The following MAP7D1 variants were observed in gnomAD, a reference collection of about 807,000 sequenced individuals.
MAP7D1 encodes MAP7 domain-containing protein 1.
A neutral mutation model predicts 97.5 loss-of-function variants in MAP7D1; 30 were observed. The observed-to-expected ratio is 0.31, with a 90% CI of 0.23 to 0.42. The LOEUF (loss-of-function observed/expected upper bound fraction) is 0.42, where lower values mean the gene tolerates loss of function less well. Ranked by LOEUF, MAP7D1 falls within the 10% of genes least tolerant of loss-of-function variation. The pLI is 1.00. For synonymous variants in MAP7D1, 536 were observed against 477.1 expected (o/e 1.12, Z -1.61); for missense variants, 1,184 against 1,179.5 (o/e 1.00, Z -0.06).
chr1:36,178,549 G>T lies in MAP7D1; in HGVS notation c.1839G>T (p.Gln613His). The change falls in exon 10 of 17, where the codon CAG becomes CAT. Residue 613 changes from glutamine (Q) to histidine (H), a missense_variant. Transcript: ENST00000474796. ...LAEKRRQARE[Q>H]REREEQERRL... ...AGAAGCGGCGCCAGGCCCGGGAGCA[G>T]CGGGAGCGCGAGGAGCAGGAGCGGA... 6.3e-7 allele frequency: 1 copy of T among 1,597,214 alleles called. No homozygotes were observed. Among genetic ancestry groups the T allele is most frequent in the Non-Finnish European group, 8.5e-7 (1 of 1,172,728 alleles).
In MAP7D1 at chr1:36,178,908, G is replaced by C; in HGVS notation, c.2026-13G>C. On this transcript the variant is annotated splice_polypyrimidine_tract_variant and intron_variant, in intron 11 of 16. Coordinates refer to ENST00000474796, the MANE Select transcript of MAP7D1 (RefSeq NM_001388490.1). ...GGAGTCAAGTGCCCCACGCTCATGG[G>C]GGTCTTTGGCAGAAAGAGGAGGCCG... The C allele has an allele frequency of 1.3e-6, 2 of 1,552,438 alleles. No individual in the cohort carries two copies. Among genetic ancestry groups the C allele is most frequent in the South Asian group, 1.2e-5 (1 of 84,134 alleles).
intron 11 of MAP7D1, 33 bp downstream of exon 11, chr1:36,178,856 G>A (rs906595276): frequency 3.9e-6 from 6 of 1,545,442 alleles, no homozygotes; most frequent in Middle Eastern, 1.8e-4. Flanking sequence ...GGCTGGGCGC[G>A]GGCGCCGCGG....
chr1:36,177,483 C>T (rs1032525842), intron 8 of MAP7D1: 2 of 472,086 alleles, frequency 4.2e-6, no homozygotes, highest in African/African-American at 2.0e-5. Context: ...ATGATGATGC[C>T]ACTGCACTCC....
chr1:36,172,480 G>A lies in MAP7D1; in HGVS notation c.477G>A (p.Val159=). Residue 159 remains valine, a synonymous_variant, in exon 4 of 17, where the codon GTG becomes GTA. Transcript: ENST00000474796. ...TGTCCACAGCGGCCAAGAAGGCAGT[G>A]TGGCTGGAGAAGGAGGAGAAGGCCA... is the stretch of plus-strand genomic sequence containing the variant. ...RAKYLAAKKA[V]WLEKEEKAKA... is the part of the protein sequence containing the mutation. 6.3e-7 allele frequency: 1 copy of A among 1,587,448 alleles called. No individual in the cohort carries two copies.
At position 36,173,374 on chromosome 1, in the gene MAP7D1, A is replaced by C. The variant is rs759981079; in HGVS notation, c.635A>C (p.Glu212Ala). 8.7e-6 allele frequency: 14 copies of C among 1,613,696 alleles called. No homozygotes were observed. The highest frequency in any genetic ancestry group is 1.2e-5 in the Non-Finnish European group (14 of 1,179,776). ...CCCACCTTCCCCCAGGAGCGCTATG[A>C]AGCAGCCATCCAACGGTCAGTGAAG... ...QKLEKNKERY[E>A]AAIQRSVKKT... Residue 212 changes from glutamate (E) to alanine (A), a missense_variant, in exon 5 of 17, where the codon GAA becomes GCA. Transcript: ENST00000474796.
At chr1:36,164,650 A>T (rs1476247231) in intron 1 of MAP7D1, among the ~76,000 whole-genome samples, 1 of 152,150 alleles carries the variant, frequency 6.6e-6, no homozygotes, top group Non-Finnish European at 1.5e-5. Flanking sequence ...TCCAAGAAGT[A>T]GGGGGAGGGA....
At position 36,176,736 on chromosome 1, in the gene MAP7D1, G is replaced by C. The variant is rs777282053; in HGVS notation, c.1273G>C (p.Glu425Gln). Residue 425 changes from glutamate (E) to glutamine (Q), a missense_variant, in exon 8 of 17, where the codon GAG becomes CAG. Glu to Gln is a conservative substitution (Grantham distance 29). Transcript: ENST00000474796. The surrounding 1 kb of genome is among the most constrained non-coding windows in gnomAD (Gnocchi z 6.1). ...GAAGAAGGACAAGGAGCGGGAAAAC[G>C]AGAAGGAGAAGAGTGCCCTAGCCCG... Reference protein sequence around the residue: ...KEKKDKERENEKEKSALARER... With the variant: ...KEKKDKERENQKEKSALARER... 2 of 1,603,962 alleles carry C rather than the reference G, an allele frequency of 1.2e-6. No homozygotes were observed. Among genetic ancestry groups the C allele is most frequent in the African/African-American group, 1.3e-5 (1 of 74,788 alleles).
chr1:36,179,773 C>A lies in MAP7D1; in HGVS notation c.2318+17C>A. 6.5e-7 allele frequency: 1 copy of A among 1,537,522 alleles called. No individual in the cohort carries two copies. On this transcript the variant is annotated intron_variant, in intron 15 of 16. Coordinates refer to ENST00000474796, the MANE Select transcript of MAP7D1 (RefSeq NM_001388490.1). ...TCAGTGGAGGTACCAGCTTCCAATCCCAGGGTCCCTGAGCAGGGAGGCAGA... is the reference window on the plus strand; with the variant it reads ...TCAGTGGAGGTACCAGCTTCCAATCACAGGGTCCCTGAGCAGGGAGGCAGA...
Position 36,176,974 on chromosome 1 carries a change from AG to A in MAP7D1, c.1379+134del. 1 of 815,994 alleles carries A rather than the reference AG, an allele frequency of 1.2e-6. No individual in the cohort carries two copies. The highest frequency in any genetic ancestry group is 1.7e-5 in the South Asian group (1 of 58,076). The allele number at this position is 815,994 out of a possible 1,614,324, so 50.5% of individuals were successfully genotyped here. On this transcript the variant is annotated intron_variant, in intron 8 of 16. Coordinates refer to ENST00000474796, the MANE Select transcript of MAP7D1 (RefSeq NM_001388490.1). The surrounding 1 kb of genome is among the most constrained non-coding windows in gnomAD (Gnocchi z 6.1). ...AGATTCTCTCTGTTTTGTTTGAGAC[AG>A]GATCTCCCTCTGTCACCCAGGCTGG... is the stretch of plus-strand genomic sequence containing the variant.
At position 36,178,953 on chromosome 1, in the gene MAP7D1, G is replaced by C; in HGVS notation, c.2058G>C (p.Glu686Asp). 4 of 1,558,804 alleles carry C rather than the reference G, an allele frequency of 2.6e-6. No individual in the cohort carries two copies. Among genetic ancestry groups the C allele is most frequent in the Non-Finnish European group, 3.5e-6 (4 of 1,151,456 alleles). The change falls in exon 12 of 17, where the codon GAG (glutamate) becomes GAC (aspartate). Residue 686 changes from glutamate to aspartate, a missense_variant. Transcript: ENST00000474796. Reference protein sequence around the residue: ...KEEAEARSREEAERQRLEREK... With the variant: ...KEEAEARSREDAERQRLEREK... ...AGGCCGAAGCTCGGTCGCGGGAAGA[G>C]GCGGAGCGGCAGCGTCTGGAGCGGG...
rs1377113739 is a variant in MAP7D1 at position 36,171,163 on chromosome 1, C to T, written c.239C>T (p.Ala80Val). 8 of 1,612,640 alleles carry T rather than the reference C, an allele frequency of 5.0e-6. No individual in the cohort carries two copies. The highest frequency in any genetic ancestry group is 5.1e-6 in the Non-Finnish European group (6 of 1,179,284). ...SPSGQVGPRP[A>V]PPQEESPSSE... ...TCAGGGCAGGTCGGGCCTAGGCCAG[C>T]CCCCCCGCAGGAAGAGTCCCCTTCC... Residue 80 changes from alanine to valine, a missense_variant, in exon 2 of 17, where the codon GCC becomes GTC. By Grantham distance (64) the Ala-to-Val change is moderately conservative. Transcript: ENST00000474796.
chr1:36,175,134 T>G, intron 6 of MAP7D1, 126 bp downstream of exon 6: 1 of 664,658 alleles, frequency 1.5e-6, no homozygotes, highest in Non-Finnish European at 2.7e-6. Context: ...ATCCCCACTC[T>G]ACCTTACCCA....
chr1:36,174,630 C>G (rs1644591833), intron 5 of MAP7D1, among the ~76,000 whole-genome samples: 1 of 152,144 alleles, frequency 6.6e-6, no homozygotes, highest in South Asian at 2.1e-4. Flanking sequence ...CTTCCTTGGT[C>G]TGGCCAGGAA....
intron 1 of MAP7D1, among the ~76,000 whole-genome samples, chr1:36,170,227 A>C (rs2124224580): frequency 6.6e-6 from 1 of 152,262 alleles, no homozygotes; most frequent in South Asian, 2.1e-4. Context: ...CCCTTACTTC[A>C]CTTCGATGTC....
At chr1:36,162,164 G>GA (rs1644421818) in intron 1 of MAP7D1, among the ~76,000 whole-genome samples, 1 of 152,066 alleles carries the variant, frequency 6.6e-6, no homozygotes, top group Non-Finnish European at 1.5e-5. Context: ...CTTCCTGCCT[G>GA]AGGTGCTGTC....
Position 36,178,534 on chromosome 1 carries a change from C to T in MAP7D1, c.1824C>T (p.Arg608=), listed in dbSNP as rs374237642. 6.2e-7 allele frequency: 1 copy of T among 1,602,358 alleles called. No homozygotes were observed. The highest frequency in any genetic ancestry group is 1.3e-5 in the African/African-American group (1 of 74,664). The change falls in exon 10 of 17, where the codon CGC becomes CGT. Residue 608 remains arginine, a synonymous_variant. Transcript: ENST00000474796. ...CTCGGCTCTTGGCTGAGAAGCGGCGCCAGGCCCGGGAGCAGCGGGAGCGCG... is the reference window on the plus strand; with the variant it reads ...CTCGGCTCTTGGCTGAGAAGCGGCGTCAGGCCCGGGAGCAGCGGGAGCGCG... ...EATRLLAEKR[R]QAREQREREE...
At chr1:36,156,678 T>G (rs1266940304) in intron 1 of MAP7D1, among the ~76,000 whole-genome samples, 1 of 150,498 alleles carries the variant, frequency 6.6e-6, no homozygotes, top group Non-Finnish European at 1.5e-5. Context: ...GCCGGACGCA[T>G]CGGGCGTCGG....
rs566552257 is a variant in MAP7D1 at position 36,178,381 on chromosome 1, G to A, written c.1709-38G>A. The A allele has an allele frequency of 2.5e-6, 4 of 1,589,892 alleles. No individual in the cohort carries two copies. The African/African-American group carries it at 4.0e-5, about 16-fold the overall frequency. On this transcript the variant is annotated intron_variant, in intron 9 of 16. Coordinates refer to ENST00000474796, the MANE Select transcript of MAP7D1 (RefSeq NM_001388490.1). ...GCTGGGAGATGACGGCGGTGTCTGCGTGGGTGTGCTGACGCCTGATCCCGG... is the reference window on the plus strand; with the variant it reads ...GCTGGGAGATGACGGCGGTGTCTGCATGGGTGTGCTGACGCCTGATCCCGG...
At chr1:36,167,698 G>A (rs971393581) in intron 1 of MAP7D1, among the ~76,000 whole-genome samples, 3 of 152,174 alleles carry the variant, frequency 2.0e-5, no homozygotes, top group Non-Finnish European at 4.4e-5. Context: ...AGACTCTGAA[G>A]CCTGTGACCT....
Sources: allele counts gnomAD v4.1 joint callset (sites outside exome capture counted in the v4.1 genomes callset), GRCh38; gene constraint gnomAD v4.1.1; non-coding constraint Gnocchi (gnomAD v3.1); transcripts MANE v1.5; gene names NCBI Gene and HGNC (gene_info 2026-07-23, HGNC 2026-07-21).